FXYD5: variants seen among roughly 807,000 people sequenced by gnomAD.
The protein encoded by FXYD5 is FXYD domain containing ion transport regulator 5, also known as FXYD domain-containing ion transport regulator 5.
FXYD5 carries 21 observed loss-of-function variants against 25.7 expected under a neutral mutation model. That is an observed-to-expected ratio of 0.82 (90% confidence interval 0.58 to 1.18). The LOEUF is 1.18. Ranked by LOEUF, FXYD5 falls within the 50% of genes most tolerant of loss-of-function variation. The pLI, the probability that FXYD5 is intolerant of heterozygous loss-of-function variation, is 0.00. For missense variants in FXYD5, 229 were observed against 227.7 expected (o/e 1.01, Z -0.04); for synonymous variants, 101 against 90.7 (o/e 1.11, Z -0.64).
At chr19:35,162,644 C>T (rs2065416258) in intron 5 of FXYD5, among the ~76,000 whole-genome samples, 1 of 152,060 alleles carries the variant, frequency 6.6e-6, no homozygotes, top group Non-Finnish European at 1.5e-5. Context: ...CCTATCTAAC[C>T]CTAATTACCT....
At chr19:35,158,195 C>T in intron 3 of FXYD5, 149 bp from the exon 4 acceptor site, 1 of 650,002 alleles carries the variant, frequency 1.5e-6, no homozygotes, top group Non-Finnish European at 2.8e-6. Flanking sequence ...CACATTTCGG[C>T]AGTTAGCAAA....
At chr19:35,156,680 T>C (rs1600499426) in intron 2 of FXYD5, among the ~76,000 whole-genome samples, 2 of 151,506 alleles carry the variant, frequency 1.3e-5, no homozygotes, top group African/African-American at 2.4e-5. Context: ...AGGGGCAGAG[T>C]GGGATGACGA....
chr19:35,166,595 G>A, intron 8 of FXYD5: 1 of 447,694 alleles, frequency 2.2e-6, no homozygotes, highest in Non-Finnish European at 3.9e-6. Context: ...GTTCAGTTGT[G>A]GGTCAGCAGG....
chr19:35,168,224 C>T (rs1025091336), intron 8 of FXYD5, among the ~76,000 whole-genome samples: 3 of 152,148 alleles, frequency 2.0e-5, no homozygotes, highest in African/African-American at 2.4e-5. Flanking sequence ...ATGCTGGGGG[C>T]ATGGTGGTGA....
intron 3 of FXYD5, 116 bp downstream of exon 3, chr19:35,157,617 G>A: frequency 1.6e-6 from 1 of 621,882 alleles, no homozygotes; most frequent in Non-Finnish European, 2.9e-6. Flanking sequence ...AAAAAGTCCA[G>A]GTACAGACCT....
chr19:35,155,558 C>T lies in FXYD5; in HGVS notation c.8C>T (p.Pro3Leu). 1 of 1,610,260 alleles carries T rather than the reference C, an allele frequency of 6.2e-7. No individual in the cohort carries two copies. Residue 3 changes from proline to leucine, a missense_variant, in exon 2 of 9, where the codon CCC becomes CTC. Pro to Leu is a moderately conservative substitution (Grantham distance 98). Coordinates refer to ENST00000392219, the MANE Select transcript of FXYD5 (RefSeq NM_014164.6). MS[P>L]SGRLCLLTIV... ...CATCGCCTGGTCCCACAGATGTCGC[C>T]CTCTGGTCGCCTGTGTCTTCTCACC...
Position 35,169,643 on chromosome 19 carries a change from T to C in FXYD5, c.*28T>C, listed in dbSNP as rs1046294. 546,783 of 1,522,602 alleles carry C rather than the reference T, an allele frequency of 0.36. 101,652 individuals are homozygous for C. Among genetic ancestry groups the C allele is most frequent in the Non-Finnish European group, 0.38 (416,935 of 1,096,782 alleles). The allele number at this position is 1,522,602 out of a possible 1,614,324, so 94.3% of individuals were successfully genotyped here. A position where few individuals can be genotyped will look rare whatever the true frequency, so the allele number is the denominator to read the frequency against. On this transcript the variant is annotated 3_prime_UTR_variant, in exon 9 of 9. Transcript: ENST00000392219. The stretch of plus-strand genomic sequence containing the variant: ...CCATCAGAAACAGGAGCTGACAACC[T>C]GCTGGGCACCCGAAGACCAAGCCCC...
At chr19:35,169,062 CAAAA>C (rs58642459) in intron 8 of FXYD5, among the ~76,000 whole-genome samples, 2 of 127,294 alleles carry the variant, frequency 1.6e-5, no homozygotes, top group Non-Finnish European at 1.7e-5. Flanking sequence ...GACTCTGTCT[CAAAA>C]AAAAAAAAAA....
chr19:35,160,141 C>A, intron 4 of FXYD5: 1 of 172,830 alleles, frequency 5.8e-6, no homozygotes, highest in Non-Finnish European at 1.2e-5. Context: ...CCCAAGAGTT[C>A]AAGGCTACAG....
At chr19:35,158,742 C>T (rs1043050626) in intron 4 of FXYD5, among the ~76,000 whole-genome samples, 1 of 152,044 alleles carries the variant, frequency 6.6e-6, no homozygotes, top group African/African-American at 2.4e-5. Flanking sequence ...TGTGCCAGTC[C>T]CATTTATTTC....
At position 35,164,211 on chromosome 19, in the gene FXYD5, C is replaced by T. The variant is rs149030515; in HGVS notation, c.348C>T (p.Asp116=). The T allele has an allele frequency of 1.3e-4, 216 of 1,613,860 alleles. 1 individual carries two copies. The South Asian group carries it at 1.7e-3, about 12-fold the overall frequency. Residue 116 remains aspartate, a synonymous_variant, in exon 6 of 9, where the codon GAC becomes GAT. Transcript: ENST00000392219. ...CTGAGAGACCATCCCCAAGCACAGACGTCCAGACAGACCCCCAGACCCTCA... is the reference window on the plus strand; with the variant it reads ...CTGAGAGACCATCCCCAAGCACAGATGTCCAGACAGACCCCCAGACCCTCA... The part of the protein sequence containing the change: ...TLSERPSPST[D]VQTDPQTLKP...
chr19:35,164,274 CAG>C, intron 6 of FXYD5, 29 bp downstream of exon 6: 1 of 1,592,294 alleles, frequency 6.3e-7, no homozygotes, highest in Non-Finnish European at 8.6e-7. Context: ...AGACTGGAAA[CAG>C]GCTATTTTCT....
intron 6 of FXYD5, among the ~76,000 whole-genome samples, chr19:35,165,364 T>A (rs976996230): frequency 6.6e-6 from 1 of 152,198 alleles, no homozygotes; most frequent in Non-Finnish European, 1.5e-5. Flanking sequence ...TTCCTCCCCT[T>A]TTTATACTGT....
chr19:35,159,309 G>T (rs988404834), intron 4 of FXYD5, among the ~76,000 whole-genome samples: 2 of 152,152 alleles, frequency 1.3e-5, no homozygotes, highest in Non-Finnish European at 2.9e-5. Context: ...GTCAGCATTG[G>T]GGTAGGTCCC....
At position 35,169,589 on chromosome 19, in the gene FXYD5, C is replaced by G; in HGVS notation, c.511C>G (p.Arg171Gly). The G allele has an allele frequency of 2.5e-6, 4 of 1,611,412 alleles. No individual in the cohort carries two copies. Among genetic ancestry groups the G allele is most frequent in the Non-Finnish European group, 3.4e-6 (4 of 1,177,538 alleles). ...AGGTGGCAAGTGCAGGCAGCTGTCC[C>G]GGTTATGCCGGAATCGTTGCAGGTG... ...LTSGKCRQLS[R>G]LCRNRCR The change falls in exon 9 of 9, where the codon CGG becomes GGG. Residue 171 changes from arginine (R) to glycine (G), a missense_variant. By Grantham distance (125) the Arg-to-Gly change is moderately radical (BLOSUM62 -2). Transcript: ENST00000392219.
chr19:35,159,185 C>T (rs1457871736), intron 4 of FXYD5, among the ~76,000 whole-genome samples: 1 of 151,210 alleles, frequency 6.6e-6, no homozygotes, highest in African/African-American at 2.4e-5. Context: ...CACAGTAGTA[C>T]AAAAACACAT....
At chr19:35,161,180 G>A (rs941968791) in intron 5 of FXYD5, among the ~76,000 whole-genome samples, 4 of 116,690 alleles carry the variant, frequency 3.4e-5, no homozygotes, top group African/African-American at 1.4e-4. Flanking sequence ...TAATGTTAGA[G>A]CAGGAGCTTT....
chr19:35,163,098 G>A (rs949850685), intron 5 of FXYD5, among the ~76,000 whole-genome samples: 3 of 152,220 alleles, frequency 2.0e-5, no homozygotes, highest in African/African-American at 7.2e-5. Flanking sequence ...TGGCAGAACC[G>A]GAATTTGAGT....
intron 2 of FXYD5, 93 bp downstream of exon 2, chr19:35,155,704 C>T (rs952632125): frequency 2.2e-5 from 20 of 917,702 alleles, no homozygotes; most frequent in Admixed American, 3.5e-5. Context: ...CCCGTGTGAA[C>T]GTTGTCCTGC....
Sources: gnomAD v4.1 joint callset for allele counts (sites outside exome capture counted in the v4.1 genomes callset) on GRCh38, gnomAD v4.1.1 for gene constraint, MANE v1.5 for transcripts, NCBI Gene and HGNC (gene_info 2026-07-23, HGNC 2026-07-21) for gene names.